The following LDLRAD1 variants were observed in gnomAD, a reference collection of about 807,000 sequenced individuals.
LDLRAD1 encodes the protein low-density lipoprotein receptor class A domain-containing protein 1.
In LDLRAD1, 17 loss-of-function variants were observed where a neutral mutation model predicts 24.8. The ratio of observed to expected loss-of-function variants is 0.69; its 90% confidence interval spans 0.47 to 1.03. LDLRAD1 has a LOEUF of 1.03. Ranked by LOEUF, LDLRAD1 falls within the 50% of genes least tolerant of loss-of-function variation. LDLRAD1 has a pLI of 0.00. For synonymous variants in LDLRAD1, 103 were observed against 108.2 expected (o/e 0.95, Z 0.30); for missense variants, 277 against 271.0 (o/e 1.02, Z -0.16).
At position 54,017,362 on chromosome 1, in the gene LDLRAD1, C is replaced by T. The variant is rs1386412744; in HGVS notation, c.73+14G>A. 3.8e-6 allele frequency: 6 copies of T among 1,593,006 alleles called. No individual in the cohort carries two copies. The highest frequency in any genetic ancestry group is 5.1e-6 in the Non-Finnish European group (6 of 1,168,626). On this transcript the variant is annotated intron_variant, in intron 2 of 5. Coordinates refer to ENST00000371360, the MANE Select transcript of LDLRAD1 (RefSeq NM_001010978.4). The stretch of plus-strand genomic sequence containing the variant: ...CCCCACAGGGCACTGGCCCCAGGCC[C>T]TCCAGTTCTTTACCTTCCCCTCCAG...
At position 54,009,028 on chromosome 1, in the gene LDLRAD1, T is replaced by C; in HGVS notation, c.572A>G (p.Gln191Arg). Residue 191 changes from glutamine to arginine, a missense_variant, in exon 6 of 6, where the codon CAG becomes CGG. Physicochemically the swap from Gln to Arg is conservative, Grantham distance 43. Transcript: ENST00000371360. ...CTCATCGGACCAGTCGGAGCAGTGC[T>C]GTACATGGTCGCGGCAGAGATGCCT... The part of the protein sequence containing the change: ...IPRHLCRDHV[Q>R]HCSDWSDEYA... The C allele has an allele frequency of 6.2e-7, 1 of 1,614,108 alleles. No homozygotes were observed. The highest frequency in any genetic ancestry group is 8.5e-7 in the Non-Finnish European group (1 of 1,180,004).
chr1:54,012,344 A>C, intron 3 of LDLRAD1, 64 bp from the exon 4 acceptor site: 1 of 1,571,556 alleles, frequency 6.4e-7, no homozygotes. Flanking sequence ...AACCTTCCTC[A>C]CCTGAACTCC....
At chr1:54,018,007 C>G (rs1284513683) in intron 1 of LDLRAD1, 85 bp downstream of exon 1, 7 of 1,246,804 alleles carry the variant, frequency 5.6e-6, no homozygotes, top group African/African-American at 1.5e-5. Context: ...CAACTCTTAC[C>G]TGGGGACAGC....
chr1:54,014,193 C>T (rs776456624), intron 3 of LDLRAD1, 43 bp downstream of exon 3: 1 of 1,560,150 alleles, frequency 6.4e-7, no homozygotes, highest in Non-Finnish European at 8.7e-7. Flanking sequence ...CCTCCCATGC[C>T]CTCCCCGCCG....
chr1:54,014,150 C>A, intron 3 of LDLRAD1, 86 bp downstream of exon 3: 2 of 1,488,744 alleles, frequency 1.3e-6, no homozygotes, highest in Non-Finnish European at 1.8e-6. Flanking sequence ...GTGGAGAAGC[C>A]AGGCAGGTCG....
chr1:54,009,564 T>A lies in LDLRAD1; in HGVS notation c.470-434A>T, dbSNP rs867596128. Among the ~76,000 whole-genome samples the A allele has an allele frequency of 3.3e-5, 5 of 152,084 alleles. No individual in the cohort carries two copies. In the South Asian group the frequency reaches 1.0e-3, roughly 32 times the overall value. On this transcript the variant is annotated intron_variant, in intron 5 of 5. Transcript: ENST00000371360. ...CCTCTACCTACTGAAACCCGTCTAT[T>A]CTTGGTCTTCTTGAATGCTACCTCT...
In LDLRAD1 at chr1:54,009,122, A is replaced by T; in HGVS notation, c.478T>A (p.Cys160Ser). 1.2e-6 allele frequency: 2 copies of T among 1,613,862 alleles called. No individual in the cohort carries two copies. The highest frequency in any genetic ancestry group is 1.7e-6 in the Non-Finnish European group (2 of 1,179,970). ...CACCACCCAGGGCCGCAGGGTGGGC[A>T]CACAGTTACTGCAGAGACAAGAGCC... is the stretch of plus-strand genomic sequence containing the variant. ...CSDELSPVTV[C>S]PPCGPGWWRC... Residue 160 changes from cysteine to serine, a missense_variant, in exon 6 of 6, where the codon TGC becomes AGC. Cys to Ser is a moderately radical substitution (Grantham distance 112). Transcript: ENST00000371360.
Position 54,007,433 on chromosome 1 carries a change from GTTTTA to G in LDLRAD1, c.*1544_*1548del, listed in dbSNP as rs1191778046. On this transcript the variant is annotated 3_prime_UTR_variant, in exon 6 of 6. Coordinates refer to ENST00000371360, the MANE Select transcript of LDLRAD1 (RefSeq NM_001010978.4). ...CACACTTGCTGACCCTCAATCTCAT[GTTTTA>G]TTTTATTTTTATTAAAAAGAAATTT... The G allele has an allele frequency of 1.3e-5, 2 of 152,140 alleles. No homozygotes were observed. Among genetic ancestry groups the G allele is most frequent in the African/African-American group, 2.4e-5 (1 of 41,424 alleles). The allele number at this position is 152,140 out of a possible 1,614,324, so 9.4% of individuals were successfully genotyped here. A position where few individuals can be genotyped will look rare whatever the true frequency, so the allele number is the denominator to read the frequency against.
intron 2 of LDLRAD1, among the ~76,000 whole-genome samples, chr1:54,014,989 T>C (rs533657117): frequency 3.0e-4 from 46 of 152,344 alleles, no homozygotes; most frequent in Admixed American, 1.1e-3. Context: ...TTTCCTCATG[T>C]GGAAAATGGG....
intron 3 of LDLRAD1, 29 bp from the exon 4 acceptor site, chr1:54,012,309 G>A (rs201177005): frequency 2.1e-4 from 332 of 1,612,792 alleles, no homozygotes; most frequent in Non-Finnish European, 2.7e-4. Flanking sequence ...GCCCTGGAGG[G>A]TCAAGGGTGG....
Position 54,012,113 on chromosome 1 carries a change from T to C in LDLRAD1, c.340+30A>G, listed in dbSNP as rs751584850. The C allele has an allele frequency of 6.8e-6, 11 of 1,610,938 alleles. No individual in the cohort carries two copies. The Admixed American group carries it at 1.5e-4, about 22-fold the overall frequency. On this transcript the variant is annotated intron_variant, in intron 4 of 5. Coordinates refer to ENST00000371360, the MANE Select transcript of LDLRAD1 (RefSeq NM_001010978.4). Reference sequence around the variant, plus strand: ...GAGCATCGGAGTGTGGGGGAACCCCTGGGAGGGGCAGCACCGAGCGGGTAC... The same window carrying C: ...GAGCATCGGAGTGTGGGGGAACCCCCGGGAGGGGCAGCACCGAGCGGGTAC...
chr1:54,009,015 G>T lies in LDLRAD1; in HGVS notation c.585C>A (p.Asp195Glu). The T allele has an allele frequency of 6.2e-7, 1 of 1,614,026 alleles. No homozygotes were observed. Among genetic ancestry groups the T allele is most frequent in the African/African-American group, 1.3e-5 (1 of 75,038 alleles). The stretch of plus-strand genomic sequence containing the variant: ...CGGGACAGGCATACTCATCGGACCA[G>T]TCGGAGCAGTGCTGTACATGGTCGC... The part of the protein sequence containing the change: ...LCRDHVQHCS[D>E]WSDEYACPGP The change falls in exon 6 of 6, where the codon GAC (aspartate) becomes GAA (glutamate). Residue 195 changes from aspartate to glutamate, a missense_variant. Transcript: ENST00000371360.
At chr1:54,011,260 C>T (rs558892813) in intron 4 of LDLRAD1, among the ~76,000 whole-genome samples, 2 of 152,166 alleles carry the variant, frequency 1.3e-5, no homozygotes, top group African/African-American at 2.4e-5. Flanking sequence ...TGTGGTCTAT[C>T]GGGGCAGGGT....
In LDLRAD1 at chr1:54,010,363, C is replaced by T. The variant is rs759110149; in HGVS notation, c.388G>A (p.Asp130Asn). ...TCTGAGTAGATCCAGGAGGCCGGGT[C>T]TCCACAGTGGGCCACAAGGAAGTGG... ...LPHFLVAHCG[D>N]PASWIYSDQK... Residue 130 changes from aspartate to asparagine, a missense_variant, in exon 5 of 6, where the codon GAC becomes AAC. Transcript: ENST00000371360. 1.2e-6 allele frequency: 2 copies of T among 1,614,040 alleles called. No individual in the cohort carries two copies. Among genetic ancestry groups the T allele is most frequent in the South Asian group, 2.2e-5 (2 of 91,072 alleles).
intron 2 of LDLRAD1, among the ~76,000 whole-genome samples, chr1:54,016,043 C>A (rs1569901418): frequency 1.3e-5 from 2 of 152,144 alleles, no homozygotes; most frequent in African/African-American, 4.8e-5. Context: ...CAGGTTATTT[C>A]CAATCCATTC....
intron 3 of LDLRAD1, 147 bp downstream of exon 3, chr1:54,014,089 G>A: frequency 8.4e-6 from 7 of 828,988 alleles, no homozygotes; most frequent in Non-Finnish European, 1.1e-5. Context: ...GTGTGCAGGT[G>A]TCTGTGTGTG....
intron 4 of LDLRAD1, 31 bp downstream of exon 4, chr1:54,012,112 C>T (rs981964110): frequency 1.9e-6 from 3 of 1,610,990 alleles, no homozygotes; most frequent in Non-Finnish European, 2.5e-6. Flanking sequence ...GGGGGAACCC[C>T]TGGGAGGGGC....
chr1:54,013,476 C>G (rs1379396979), intron 3 of LDLRAD1, among the ~76,000 whole-genome samples: 1 of 134,342 alleles, frequency 7.4e-6, no homozygotes, highest in Non-Finnish European at 1.6e-5. Flanking sequence ...TTCTGTGGCT[C>G]CTGGACTATG....
intron 2 of LDLRAD1, among the ~76,000 whole-genome samples, chr1:54,015,651 T>TGTA (rs1188338681): frequency 7.9e-6 from 1 of 126,198 alleles, no homozygotes; most frequent in African/African-American, 2.8e-5. Context: ...TTTTGTTTTT[T>TGTA]TTGTTTTTTT....
Sources: gnomAD v4.1 joint callset for allele counts (sites outside exome capture counted in the v4.1 genomes callset) on GRCh38, gnomAD v4.1.1 for gene constraint, MANE v1.5 for transcripts, NCBI Gene and HGNC (gene_info 2026-07-23, HGNC 2026-07-21) for gene names.